The following LRRC41 variants were observed in gnomAD, a reference collection of about 807,000 sequenced individuals.
The protein encoded by LRRC41 is leucine rich repeat containing 41.
LRRC41 carries 17 observed loss-of-function variants against 72.1 expected under a neutral mutation model. That is an observed-to-expected ratio of 0.24 (90% CI 0.16 to 0.35). LRRC41 has a LOEUF of 0.35. LRRC41 is among the 10% of genes least tolerant of loss of function. The pLI is 1.00. For synonymous variants in LRRC41, 427 were observed against 431.0 expected (o/e 0.99, Z 0.11); for missense variants, 759 against 1,065.0 (o/e 0.71, Z 4.00).
rs557116805 is a variant in LRRC41, at chr1:46,303,308, C to G, written c.15G>C (p.Glu5Asp). The G allele has an allele frequency of 5.9e-6, 9 of 1,529,546 alleles. No homozygotes were observed. In the African/African-American group the frequency reaches 1.1e-4, roughly 19 times the overall value. The allele number at this position is 1,529,546 out of a possible 1,614,324, so 94.7% of individuals were successfully genotyped here. The change falls in exon 1 of 10, where the codon GAG becomes GAC. Residue 5 changes from glutamate (E) to aspartate (D), a missense_variant. By Grantham distance (45) the Glu-to-Asp change is conservative (BLOSUM62 2). Coordinates refer to ENST00000617190, the MANE Select transcript of LRRC41 (RefSeq NM_006369.5). ...ACCAGCAACTCCGGGCGCGCCAGGCCTCGGGCGCCGCCATCTTGGGGAGGT... is the reference window on the plus strand; with the variant it reads ...ACCAGCAACTCCGGGCGCGCCAGGCGTCGGGCGCCGCCATCTTGGGGAGGT... MAAP[E>D]AWRARSCWFC...
chr1:46,296,770 C>T (rs1476612103), intron 3 of LRRC41: 1 of 152,160 alleles, frequency 6.6e-6, no homozygotes, highest in Admixed American at 6.5e-5. Context: ...AAGTTTATTA[C>T]CTCTAGAATT....
intron 3 of LRRC41, among the ~76,000 whole-genome samples, chr1:46,291,602 C>T (rs1217087604): frequency 6.8e-6 from 1 of 146,388 alleles, no homozygotes; most frequent in Non-Finnish European, 1.5e-5. Flanking sequence ...CTCTGTCGCC[C>T]AGGCTGGAGT....
Position 46,278,415 on chromosome 1 carries a change from ATTTAT to A in LRRC41, c.*445_*449del, listed in dbSNP as rs1380473278. 9.3e-7 allele frequency: 1 copy of A among 1,078,586 alleles called. No individual in the cohort carries two copies. Among genetic ancestry groups the A allele is most frequent in the African/African-American group, 1.6e-5 (1 of 62,468 alleles). The allele number at this position is 1,078,586 out of a possible 1,614,324, so 66.8% of individuals were successfully genotyped here. A position where few individuals can be genotyped will look rare whatever the true frequency, so the allele number is the denominator to read the frequency against. ...AAGGGCTGCATGATGTTTGCCCAAA[ATTTAT>A]TTTATAAGAAAAACTTTTTTGGTTA... On this transcript the variant is annotated 3_prime_UTR_variant, in exon 10 of 10. Coordinates refer to ENST00000617190, the MANE Select transcript of LRRC41 (RefSeq NM_006369.5).
At chr1:46,283,536 G>C (rs904986969) in intron 4 of LRRC41, among the ~76,000 whole-genome samples, 8 of 152,200 alleles carry the variant, frequency 5.3e-5, no homozygotes, top group Non-Finnish European at 7.4e-5. Flanking sequence ...ATGTCTACTA[G>C]CTGGATAAAT....
chr1:46,296,330 T>C (rs540748623), intron 3 of LRRC41, among the ~76,000 whole-genome samples: 3 of 152,304 alleles, frequency 2.0e-5, no homozygotes, highest in Non-Finnish European at 4.4e-5. Context: ...GGCAGGAGAA[T>C]TGCTTGAACC....
chr1:46,278,725 G>A lies in LRRC41; in HGVS notation c.*140C>T. On this transcript the variant is annotated 3_prime_UTR_variant, in exon 10 of 10. Transcript: ENST00000617190. ...CCTCATCAAGGCCTCCAGGACCTCA[G>A]TGCAAGGGAAGAAGGAAAAAAGAGA... The A allele has an allele frequency of 1.2e-6, 1 of 841,986 alleles. No individual in the cohort carries two copies. The highest frequency in any genetic ancestry group is 1.7e-5 in the South Asian group (1 of 59,052). 52.2% of individuals were successfully genotyped at this position (841,986 alleles called of 1,614,324 possible). A position where few individuals can be genotyped will look rare whatever the true frequency, so the allele number is the denominator to read the frequency against.
chr1:46,295,408 T>C (rs931780932), intron 3 of LRRC41, among the ~76,000 whole-genome samples: 3 of 152,210 alleles, frequency 2.0e-5, no homozygotes, highest in Admixed American at 6.5e-5. Context: ...TGAAATACTA[T>C]TGCTTTATAA....
intron 4 of LRRC41, among the ~76,000 whole-genome samples, chr1:46,283,809 G>C (rs1169631495): frequency 6.6e-6 from 1 of 151,936 alleles, no homozygotes; most frequent in Non-Finnish European, 1.5e-5. Flanking sequence ...GGGATTACAG[G>C]CGCCCACCAT....
intron 1 of LRRC41, among the ~76,000 whole-genome samples, chr1:46,301,421 TC>T (rs1366149149): frequency 6.6e-6 from 1 of 152,038 alleles, no homozygotes; most frequent in African/African-American, 2.4e-5. Flanking sequence ...GAGCCTTTCC[TC>T]CTGTTCCCCA....
intron 5 of LRRC41, 27 bp downstream of exon 5, chr1:46,281,098 C>T (rs1449683674): frequency 1.2e-6 from 2 of 1,611,332 alleles, no homozygotes; most frequent in African/African-American, 2.7e-5. Context: ...TGCGTGCACA[C>T]ACACAAACAC....
At position 46,280,524 on chromosome 1, in the gene LRRC41, C is replaced by A. The variant is rs138811629; in HGVS notation, c.1793G>T (p.Arg598Leu). 6.2e-7 allele frequency: 1 copy of A among 1,613,936 alleles called. No homozygotes were observed. Among genetic ancestry groups the A allele is most frequent in the Admixed American group, 1.7e-5 (1 of 59,992 alleles). ...CLEQLEMGFP[R>L]GAQPAPLLCS... is the part of the protein sequence containing the mutation. ...CAGCAGTGGGGCTGGCTGGGCTCCC[C>A]GTGGAAATCCCATCTCCAACTGCTC... The change falls in exon 6 of 10, where the codon CGG becomes CTG. Residue 598 changes from arginine (R) to leucine (L), a missense_variant. Transcript: ENST00000617190.
At chr1:46,287,633 C>T (rs1660912683) in intron 3 of LRRC41, among the ~76,000 whole-genome samples, 2 of 152,190 alleles carry the variant, frequency 1.3e-5, no homozygotes, top group Admixed American at 6.5e-5. Context: ...GCTGGTCACC[C>T]CACGGACTTG....
chr1:46,298,184 C>T, intron 2 of LRRC41, 100 bp downstream of exon 2: 1 of 835,134 alleles, frequency 1.2e-6, no homozygotes, highest in Non-Finnish European at 1.9e-6. Context: ...TTTTGAAAAG[C>T]ACGAAGTTCT....
At chr1:46,294,521 C>G (rs1460220440) in intron 3 of LRRC41, among the ~76,000 whole-genome samples, 1 of 151,544 alleles carries the variant, frequency 6.6e-6, no homozygotes, top group Non-Finnish European at 1.5e-5. Flanking sequence ...ACTTCAGCCT[C>G]TGGAGTAGCT....
Position 46,280,208 on chromosome 1 carries a change from C to G in LRRC41, c.2004G>C (p.Gln668His). The G allele has an allele frequency of 6.2e-7, 1 of 1,614,054 alleles. No individual in the cohort carries two copies. The highest frequency in any genetic ancestry group is 1.1e-5 in the South Asian group (1 of 91,076). ...GGAACTTACCTTGCAGAGTCAGATT[C>G]TGTAGCAAAAAGAGCACCTCGCTCT... ...DCQSEVLFLL[Q>H]NLTLQEITFS... The change falls in exon 7 of 10, where the codon CAG becomes CAC. Residue 668 changes from glutamine (Q) to histidine (H), a missense_variant. Gln to His is a conservative substitution (Grantham distance 24). This residue lies in a region of LRRC41 where 110 missense variants were observed against 227.0 expected (regional missense o/e 0.48). Coordinates refer to ENST00000617190, the MANE Select transcript of LRRC41 (RefSeq NM_006369.5).
At chr1:46,296,137 G>A (rs766885453) in intron 3 of LRRC41, among the ~76,000 whole-genome samples, 1 of 152,244 alleles carries the variant, frequency 6.6e-6, no homozygotes, top group Non-Finnish European at 1.5e-5. Context: ...GGTCCTTGCC[G>A]GGCGAGGTGG....
At chr1:46,281,648 T>C (rs946595212) in intron 4 of LRRC41, among the ~76,000 whole-genome samples, 1 of 152,150 alleles carries the variant, frequency 6.6e-6, no homozygotes, top group Non-Finnish European at 1.5e-5. Flanking sequence ...TACAATATGG[T>C]GAGGCAGCAT....
chr1:46,301,933 G>A (rs1472679502), intron 1 of LRRC41: 2 of 984,316 alleles, frequency 2.0e-6, no homozygotes, highest in African/African-American at 3.5e-5. Context: ...TCAGGCCCGA[G>A]GCCTCCCCTG....
At chr1:46,301,376 C>A (rs144846596) in intron 1 of LRRC41, among the ~76,000 whole-genome samples, 58 of 152,258 alleles carry the variant, frequency 3.8e-4, no homozygotes, top group Non-Finnish European at 7.4e-4. Flanking sequence ...TCCCCATGCC[C>A]TAGGACTTTT....
Sources: allele counts gnomAD v4.1 joint callset (sites outside exome capture counted in the v4.1 genomes callset), GRCh38; gene constraint gnomAD v4.1.1; regional missense constraint gnomAD v4.1.1; transcripts MANE v1.5; gene names NCBI Gene and HGNC (gene_info 2026-07-23, HGNC 2026-07-21).